Variants in TMEM140 observed in about 807,000 individuals in gnomAD.
TMEM140 encodes the protein transmembrane protein 140.
For synonymous variants in TMEM140, 107 were observed against 106.8 expected, an observed-to-expected ratio of 1.00 and a Z score of -0.01; for missense variants, 236 against 228.5, an observed-to-expected ratio of 1.03 and a Z score of -0.21.
At chr7:135,164,368 CAG>C in intron 1 of TMEM140, 48 bp from the exon 2 acceptor site, 1 of 1,425,126 alleles carries the variant, frequency 7.0e-7, no homozygotes, top group Non-Finnish European at 9.7e-7. Flanking sequence ...TGTCTGGACA[CAG>C]GGAACAAGCA....
intron 1 of TMEM140, among the ~76,000 whole-genome samples, chr7:135,155,066 A>AT (rs2117439206): frequency 1.3e-5 from 2 of 152,338 alleles, no homozygotes; most frequent in South Asian, 4.1e-4. Flanking sequence ...TGCTGAATTT[A>AT]TCCCTACATC....
At chr7:135,150,054 C>T (rs1829632236) in intron 1 of TMEM140, among the ~76,000 whole-genome samples, 1 of 152,108 alleles carries the variant, frequency 6.6e-6, no homozygotes, top group Non-Finnish European at 1.5e-5. Flanking sequence ...TTATTTTTCA[C>T]TCATAAATCA....
intron 1 of TMEM140, among the ~76,000 whole-genome samples, chr7:135,156,989 A>G (rs1042173899): frequency 1.3e-5 from 2 of 152,174 alleles, no homozygotes; most frequent in South Asian, 2.1e-4. Context: ...CCACCACCAT[A>G]TAAGAAGTGT....
chr7:135,158,626 G>A (rs553775832), intron 1 of TMEM140, among the ~76,000 whole-genome samples: 1 of 151,832 alleles, frequency 6.6e-6, no homozygotes, highest in African/African-American at 2.4e-5. Flanking sequence ...GGAGGGGAAT[G>A]CAGCCCAGCA....
intron 1 of TMEM140, among the ~76,000 whole-genome samples, chr7:135,157,839 A>G (rs898973561): frequency 6.6e-6 from 1 of 152,198 alleles, no homozygotes; most frequent in Non-Finnish European, 1.5e-5. Flanking sequence ...CTGCAGCCAC[A>G]TTGCCTGATT....
chr7:135,158,883 C>T (rs978307938), intron 1 of TMEM140, among the ~76,000 whole-genome samples: 12 of 152,356 alleles, frequency 7.9e-5, no homozygotes, highest in Middle Eastern at 6.8e-3. Context: ...AAATGGCACC[C>T]TGCTGAGGCT....
At chr7:135,150,781 G>A (rs1002490459) in intron 1 of TMEM140, among the ~76,000 whole-genome samples, 3 of 152,142 alleles carry the variant, frequency 2.0e-5, no homozygotes, top group Admixed American at 6.5e-5. Context: ...TCTTGAACCC[G>A]GGAGGCAGAG....
rs62481860 is a variant in TMEM140, at chr7:135,161,257, C to A, written c.-24-3161C>A. Among the ~76,000 whole-genome samples the A allele has an allele frequency of 0.055, 8,381 of 152,300 alleles. 310 individuals are homozygous for A. Among genetic ancestry groups the A allele is most frequent in the Middle Eastern group, 0.18 (53 of 294 alleles). On this transcript the variant is annotated intron_variant, in intron 1 of 1. Transcript: ENST00000275767. This position sits in a 1 kb window ranked among gnomAD's most constrained non-coding sequence, Gnocchi z 4.1. ...TCCTGGCGTCTGGCAGGAGCTGCCG[C>A]AAGGTGGCTGATGCAATCTCCCCGA...
Position 135,149,195 on chromosome 7 carries a change from T to C in TMEM140, c.-25+925T>C, listed in dbSNP as rs142566601. Among the ~76,000 whole-genome samples the C allele has an allele frequency of 2.2e-3, 330 of 152,354 alleles. 1 individual carries two copies. Among genetic ancestry groups the C allele is most frequent in the African/African-American group, 7.4e-3 (306 of 41,590 alleles). On this transcript the variant is annotated intron_variant, in intron 1 of 1. Transcript: ENST00000275767. Reference sequence around the variant, plus strand: ...TGCCTGTTTTATAAATTTCTTTTTTTTTCATAAATGTAGCACATAATTCTA... The same window carrying C: ...TGCCTGTTTTATAAATTTCTTTTTTCTTCATAAATGTAGCACATAATTCTA...
chr7:135,165,318 G>A lies in TMEM140; in HGVS notation c.*319G>A. 1 of 261,566 alleles carries A rather than the reference G, an allele frequency of 3.8e-6. No homozygotes were observed. The highest frequency in any genetic ancestry group is 7.8e-6 in the Non-Finnish European group (1 of 128,368). The allele number at this position is 261,566 out of a possible 1,614,324, so 16.2% of individuals were successfully genotyped here. On this transcript the variant is annotated 3_prime_UTR_variant, in exon 2 of 2. Transcript: ENST00000275767. ...AATCTTCCTCTAGCTTCAGGAGGGT[G>A]GGGAGGGAGTGATTGCTGTCATGGG...
At chr7:135,163,569 C>T (rs967421777) in intron 1 of TMEM140, among the ~76,000 whole-genome samples, 4 of 152,256 alleles carry the variant, frequency 2.6e-5, no homozygotes, top group Admixed American at 6.5e-5. Context: ...TGCTTGACCC[C>T]GGGAGGCAGA....
chr7:135,160,187 G>A (rs1286381416), intron 1 of TMEM140, among the ~76,000 whole-genome samples: 2 of 152,146 alleles, frequency 1.3e-5, no homozygotes, highest in Non-Finnish European at 2.9e-5. Flanking sequence ...TTATTTCTAC[G>A]ACCTGAAGTA....
At position 135,164,583 on chromosome 7, in the gene TMEM140, G is replaced by A. The variant is rs755667950; in HGVS notation, c.142G>A (p.Gly48Ser). Residue 48 changes from glycine to serine, a missense_variant, in exon 2 of 2, where the codon GGC (glycine) becomes AGC (serine). By Grantham distance (56) the Gly-to-Ser change is moderately conservative. Transcript: ENST00000275767. ...NLTDLPNLRI[G>S]FYNFCLWNED... ...CACTGACCTGCCCAACCTGAGAATCGGCTTCTATAACTTCTGCCTGTGGAA... is the reference window on the plus strand; with the variant it reads ...CACTGACCTGCCCAACCTGAGAATCAGCTTCTATAACTTCTGCCTGTGGAA... 32 of 1,614,212 alleles carry A rather than the reference G, an allele frequency of 2.0e-5. No homozygotes were observed. The highest frequency in any genetic ancestry group is 1.4e-4 in the South Asian group (13 of 91,086).
intron 1 of TMEM140, among the ~76,000 whole-genome samples, chr7:135,159,074 GT>G (rs1273260435): frequency 1.3e-5 from 2 of 152,216 alleles, no homozygotes; most frequent in African/African-American, 4.8e-5. Flanking sequence ...CTCTCTTACT[GT>G]TTCCCCACAT....
intron 1 of TMEM140, among the ~76,000 whole-genome samples, chr7:135,156,441 A>G (rs1452797172): frequency 6.6e-6 from 1 of 151,960 alleles, no homozygotes; most frequent in Non-Finnish European, 1.5e-5. Context: ...GATTATTTCA[A>G]AAGTCCTGTC....
At chr7:135,163,377 C>T (rs928077704) in intron 1 of TMEM140, among the ~76,000 whole-genome samples, 6 of 151,800 alleles carry the variant, frequency 4.0e-5, no homozygotes, top group Admixed American at 3.3e-4. Context: ...CATGGTGGCT[C>T]ATGCCTGTAA....
intron 1 of TMEM140, among the ~76,000 whole-genome samples, chr7:135,150,092 T>C (rs570445968): frequency 6.6e-6 from 1 of 152,298 alleles, no homozygotes; most frequent in East Asian, 1.9e-4. Context: ...AGATCATTGA[T>C]TTTTTTATCT....
chr7:135,164,565 C>T lies in TMEM140; in HGVS notation c.124C>T (p.Leu42=). Residue 42 remains leucine (L), a synonymous_variant, in exon 2 of 2, where the codon CTG becomes TTG. Transcript: ENST00000275767. ...LLWEAGNLTD[L]PNLRIGFYNF... is the part of the protein sequence containing the mutation. ...CTGGGAGGCTGGCAACCTCACTGAC[C>T]TGCCCAACCTGAGAATCGGCTTCTA... is the stretch of plus-strand genomic sequence containing the variant. 2 of 1,614,218 alleles carry T rather than the reference C, an allele frequency of 1.2e-6. No homozygotes were observed. The highest frequency in any genetic ancestry group is 1.7e-6 in the Non-Finnish European group (2 of 1,180,006).
At chr7:135,156,356 C>T (rs1364212565) in intron 1 of TMEM140, among the ~76,000 whole-genome samples, 3 of 152,114 alleles carry the variant, frequency 2.0e-5, no homozygotes, top group African/African-American at 7.2e-5. Flanking sequence ...AGTTCAGTTG[C>T]TTCTTGCAGT....
Sources: allele counts gnomAD v4.1 joint callset (sites outside exome capture counted in the v4.1 genomes callset), GRCh38; gene constraint gnomAD v4.1.1; non-coding constraint Gnocchi (gnomAD v3.1); transcripts MANE v1.5; gene names NCBI Gene and HGNC (gene_info 2026-07-23, HGNC 2026-07-21).